Variants in CHRM3 observed in about 807,000 individuals in gnomAD.
CHRM3 encodes the protein cholinergic receptor muscarinic 3, also known as muscarinic acetylcholine receptor M3.
A neutral mutation model predicts 41.8 loss-of-function variants in CHRM3; 11 were observed. That is an observed-to-expected ratio of 0.26 (90% CI 0.17 to 0.44). CHRM3 has a LOEUF of 0.44. Among genes scored for constraint, CHRM3 ranks in the 20% least tolerant of loss-of-function variants. CHRM3 has a pLI of 1.00. For synonymous variants in CHRM3, 297 were observed against 301.4 expected, an observed-to-expected ratio of 0.99 and a Z score of 0.15; for missense variants, 571 against 745.4, an observed-to-expected ratio of 0.77 and a Z score of 2.72.
At chr1:239,568,196 AG>A (rs1661527553) in intron 3 of CHRM3, among the ~76,000 whole-genome samples, 1 of 152,094 alleles carries the variant, frequency 6.6e-6, no homozygotes, top group African/African-American at 2.4e-5. Context: ...AGGAGGGCAA[AG>A]GCCCAGTAAT....
At chr1:239,395,580 A>G (rs1659410061) in intron 1 of CHRM3, among the ~76,000 whole-genome samples, 1 of 152,130 alleles carries the variant, frequency 6.6e-6, no homozygotes, top group Non-Finnish European at 1.5e-5. Context: ...CATTTCTGCA[A>G]CTTAAATGTG....
intron 5 of CHRM3, among the ~76,000 whole-genome samples, chr1:239,774,828 T>C (rs1667966139): frequency 6.6e-6 from 1 of 152,222 alleles, no homozygotes; most frequent in South Asian, 2.1e-4. Context: ...CATTGTTTAT[T>C]ACCATCAGAT....
chr1:239,540,002 T>C (rs973274636), intron 2 of CHRM3, among the ~76,000 whole-genome samples: 1 of 152,180 alleles, frequency 6.6e-6, no homozygotes, highest in African/African-American at 2.4e-5. Context: ...GCCCACAGTA[T>C]TCAGTACAGT....
intron 1 of CHRM3, among the ~76,000 whole-genome samples, chr1:239,447,272 CAT>C (rs1169965812): frequency 6.6e-6 from 1 of 151,608 alleles, no homozygotes; most frequent in Non-Finnish European, 1.5e-5. Context: ...CAATATTAAA[CAT>C]ATTATTTTAG....
intron 2 of CHRM3, among the ~76,000 whole-genome samples, chr1:239,493,487 C>T (rs10399730): frequency 0.044 from 6,770 of 152,160 alleles, 377 homozygotes; most frequent in African/African-American, 0.13. Context: ...ATGTTCTTAT[C>T]GCATATTTAT....
chr1:239,474,680 CT>C lies in CHRM3; in HGVS notation c.-520-18027del, dbSNP rs1418287805. ...AATTATTGACAAAGGAAATAAATAA[CT>C]TGATTCAAACTAATTTAGTGTAGTG... On this transcript the variant is annotated intron_variant, in intron 1 of 6. Coordinates refer to ENST00000676153, the MANE Select transcript of CHRM3 (RefSeq NM_001375978.1). Among the ~76,000 whole-genome samples the C allele has an allele frequency of 5.3e-5, 8 of 152,132 alleles. No individual in the cohort carries two copies. In the East Asian group the frequency reaches 1.5e-3, roughly 29 times the overall value.
chr1:239,859,819 T>TTATATATA (rs55700294), intron 6 of CHRM3, among the ~76,000 whole-genome samples: 7,421 of 130,440 alleles, frequency 0.057, 269 homozygotes, highest in Middle Eastern at 0.081. Context: ...TCTAAGTGTT[T>TTATATATA]TATATATATA....
At chr1:239,686,370 A>G (rs1659148605) in intron 5 of CHRM3, among the ~76,000 whole-genome samples, 1 of 152,162 alleles carries the variant, frequency 6.6e-6, no homozygotes, top group Non-Finnish European at 1.5e-5. Flanking sequence ...TCTAAACAGT[A>G]TACTTGCATG....
chr1:239,618,403 G>A (rs1364015044), intron 3 of CHRM3, among the ~76,000 whole-genome samples: 3 of 150,278 alleles, frequency 2.0e-5, no homozygotes, highest in Non-Finnish European at 3.0e-5. Flanking sequence ...TGTCTAGTCC[G>A]GAGAGAAGCT....
intron 5 of CHRM3, among the ~76,000 whole-genome samples, chr1:239,811,890 G>A (rs749999723): frequency 9.9e-5 from 15 of 152,174 alleles, no homozygotes; most frequent in Non-Finnish European, 1.6e-4. Context: ...GAAGATACCT[G>A]ATTATGAGGA....
At chr1:239,558,143 T>A (rs757605239) in intron 3 of CHRM3, among the ~76,000 whole-genome samples, 22 of 152,154 alleles carry the variant, frequency 1.4e-4, no homozygotes, top group Non-Finnish European at 2.2e-4. Context: ...CTCACAAGCA[T>A]CTCTTGTTTC....
At chr1:239,679,735 G>A (rs1238423655) in intron 5 of CHRM3, among the ~76,000 whole-genome samples, 1 of 151,244 alleles carries the variant, frequency 6.6e-6, no homozygotes, top group Non-Finnish European at 1.5e-5. Flanking sequence ...ATTTATTTTG[G>A]GCCTACACAA....
intron 2 of CHRM3, among the ~76,000 whole-genome samples, chr1:239,531,109 T>C (rs1670372655): frequency 1.3e-5 from 2 of 152,082 alleles, no homozygotes; most frequent in African/African-American, 4.8e-5. Flanking sequence ...GTTATTAGGA[T>C]TTTTTTGCAG....
At chr1:239,639,630 C>G (rs1337558195) in intron 4 of CHRM3, among the ~76,000 whole-genome samples, 1 of 151,540 alleles carries the variant, frequency 6.6e-6, no homozygotes, top group African/African-American at 2.4e-5. Context: ...TGAGACTTTG[C>G]TGAAGTTGCT....
intron 3 of CHRM3, among the ~76,000 whole-genome samples, chr1:239,590,561 T>TA (rs1664016078): frequency 6.6e-6 from 1 of 152,108 alleles, no homozygotes; most frequent in South Asian, 2.1e-4. Context: ...TCTTTATAAT[T>TA]AAAAAAATTA....
intron 5 of CHRM3, among the ~76,000 whole-genome samples, chr1:239,769,240 G>C (rs541630503): frequency 1.3e-5 from 2 of 152,248 alleles, no homozygotes; most frequent in African/African-American, 2.4e-5. Flanking sequence ...AAGGACTGCT[G>C]TGCCCGCCAC....
At chr1:239,648,812 A>C (rs764665001) in intron 4 of CHRM3, among the ~76,000 whole-genome samples, 2 of 152,168 alleles carry the variant, frequency 1.3e-5, no homozygotes, top group Non-Finnish European at 2.9e-5. Flanking sequence ...AATCTTCTGG[A>C]AGCAGATTCA....
chr1:239,544,345 T>C (rs1445932397), intron 2 of CHRM3, among the ~76,000 whole-genome samples: 1 of 152,210 alleles, frequency 6.6e-6, no homozygotes, highest in Non-Finnish European at 1.5e-5. Context: ...AGGAAGCCAA[T>C]ACTTAATCTA....
chr1:239,492,169 A>G (rs904802645), intron 1 of CHRM3, among the ~76,000 whole-genome samples: 1 of 152,180 alleles, frequency 6.6e-6, no homozygotes, highest in African/African-American at 2.4e-5. Context: ...GTTTCTAGCC[A>G]TCCAGCAATA....
Sources: gnomAD v4.1 joint callset for allele counts (sites outside exome capture counted in the v4.1 genomes callset) on GRCh38, gnomAD v4.1.1 for gene constraint, MANE v1.5 for transcripts, NCBI Gene and HGNC (gene_info 2026-07-23, HGNC 2026-07-21) for gene names.